The following MPRIP variants were observed in gnomAD, a reference collection of about 807,000 sequenced individuals.
MPRIP encodes myosin phosphatase Rho-interacting protein.
Under a neutral mutation model 234.9 loss-of-function variants are expected in MPRIP, and 59 were observed. The ratio of observed to expected loss-of-function variants is 0.25; its 90% CI spans 0.20 to 0.31. The LOEUF is 0.31. MPRIP is among the 10% of genes least tolerant of loss of function. The probability of loss-of-function intolerance (pLI) is 1.00; values close to 1 mark genes in which losing one functional copy is unlikely to be tolerated. For missense variants in MPRIP, 2,436 were observed against 3,071.0 expected (o/e 0.79, Z 4.89); for synonymous variants, 1,144 against 1,263.9 (o/e 0.91, Z 2.01).
At chr17:17,151,936 C>A (rs1462091818) in intron 12 of MPRIP, among the ~76,000 whole-genome samples, 1 of 152,236 alleles carries the variant, frequency 6.6e-6, no homozygotes, top group Non-Finnish European at 1.5e-5. Flanking sequence ...AGGGTCATAC[C>A]TTCAAATTTT....
At position 17,167,531 on chromosome 17, in the gene MPRIP, G is replaced by C; in HGVS notation, c.5940G>C (p.Ser1980=). 4 of 1,304,228 alleles carry C rather than the reference G, an allele frequency of 3.1e-6. No homozygotes were observed. Among genetic ancestry groups the C allele is most frequent in the Non-Finnish European group, 4.0e-6 (4 of 988,958 alleles). The allele number at this position is 1,304,228 out of a possible 1,614,324, so 80.8% of individuals were successfully genotyped here. Residue 1980 remains serine, a synonymous_variant, in exon 16 of 24, where the codon TCG becomes TCC. Coordinates refer to ENST00000651222, the MANE Select transcript of MPRIP (RefSeq NM_001364716.4). The surrounding 1 kb of genome is among the most constrained non-coding windows in gnomAD (Gnocchi z 5.9). ...RSRVLSQLDA[S]VRDRQDMERH... is the part of the protein sequence containing the mutation. ...GGGTCCTGAGCCAGCTGGATGCCTC[G>C]GTCAGAGACAGGCAGGACATGGAGA...
rs914072490 is a variant in MPRIP at position 17,190,067 on chromosome 17, C to T, written c.*5173C>T. The T allele has an allele frequency of 3.3e-5, 5 of 152,246 alleles. No homozygotes were observed. The highest frequency in any genetic ancestry group is 5.9e-5 in the Non-Finnish European group (4 of 68,066). 9.4% of individuals were successfully genotyped at this position (152,246 alleles called of 1,614,324 possible). On this transcript the variant is annotated 3_prime_UTR_variant, in exon 24 of 24. Transcript: ENST00000651222. ...AGAGAGGTTCCTAGCCCGCTCAGCG[C>T]GAGCGTCTCCAGTAGGTAATAGCAG...
rs1229277318 is a variant in MPRIP at position 17,175,379 on chromosome 17, C to T, written c.6837C>T (p.Pro2279=). 6.2e-7 allele frequency: 1 copy of T among 1,612,904 alleles called. No homozygotes were observed. Among genetic ancestry groups the T allele is most frequent in the African/African-American group, 1.3e-5 (1 of 74,928 alleles). ...GCGGTGGGGAGGCCACTGGGTCACC[C>T]CTTGCACAGGGCAAGGATGCCTATG... is the stretch of plus-strand genomic sequence containing the variant. ...GDGGGEATGS[P]LAQGKDAYEL... The change falls in exon 20 of 24, where the codon CCC becomes CCT. Residue 2279 remains proline (P), a synonymous_variant. Transcript: ENST00000651222.
intron 3 of MPRIP, among the ~76,000 whole-genome samples, chr17:17,111,053 G>T: frequency 6.6e-6 from 1 of 151,544 alleles, no homozygotes; most frequent in East Asian, 1.9e-4. Flanking sequence ...GGGTAAACTG[G>T]GTGAGAGGTG....
At chr17:17,134,549 C>T (rs1033210851) in intron 5 of MPRIP, among the ~76,000 whole-genome samples, 1 of 152,226 alleles carries the variant, frequency 6.6e-6, no homozygotes, top group African/African-American at 2.4e-5. Context: ...CTGCTGGCAG[C>T]CCTAAGCTGA....
At chr17:17,094,621 CTT>C (rs759404428) in intron 3 of MPRIP, among the ~76,000 whole-genome samples, 50 of 134,560 alleles carry the variant, frequency 3.7e-4, no homozygotes, top group Non-Finnish European at 4.8e-4. Flanking sequence ...TCTTCACTGT[CTT>C]TTTTTTTTTT....
At chr17:17,136,622 C>T (rs545799328) in intron 6 of MPRIP, among the ~76,000 whole-genome samples, 172 bp downstream of exon 6, 5 of 152,356 alleles carry the variant, frequency 3.3e-5, no homozygotes, top group South Asian at 2.1e-4. Flanking sequence ...CTGAGATTCC[C>T]GGGCTCCAGT....
In MPRIP at chr17:17,192,332, G is replaced by A. The variant is rs1011802419; in HGVS notation, c.*7438G>A. The A allele has an allele frequency of 1.3e-5, 2 of 149,952 alleles. No individual in the cohort carries two copies. Among genetic ancestry groups the A allele is most frequent in the South Asian group, 2.1e-4 (1 of 4,714 alleles). The allele number at this position is 149,952 out of a possible 1,614,324, so 9.3% of individuals were successfully genotyped here. A position where few individuals can be genotyped will look rare whatever the true frequency, so the allele number is the denominator to read the frequency against. ...CTCCCTAGGTTCCAGCACAGCGCTC[G>A]GGTCTAAGAAGTAGAGCCCCGGGGT... On this transcript the variant is annotated 3_prime_UTR_variant, in exon 24 of 24. Transcript: ENST00000651222.
intron 23 of MPRIP, chr17:17,181,842 C>T (rs2046380479): frequency 6.6e-6 from 1 of 152,170 alleles, no homozygotes; most frequent in East Asian, 1.9e-4. Flanking sequence ...GTGGGGGCCT[C>T]TCACAGTGGC....
chr17:17,047,646 A>G lies in MPRIP; in HGVS notation c.123+4675A>G, dbSNP rs370136186. Among the ~76,000 whole-genome samples, 29 of 152,256 alleles carry G rather than the reference A, an allele frequency of 1.9e-4. 2 individuals carry two copies. Among genetic ancestry groups the G allele is most frequent in the East Asian group, 1.2e-3 (6 of 5,178 alleles). On this transcript the variant is annotated intron_variant, in intron 1 of 23. Coordinates refer to ENST00000651222, the MANE Select transcript of MPRIP (RefSeq NM_001364716.4). ...GAAGGAATCAGACTCTAGGGACAGG[A>G]TGTTGTTGGTTGATCAGAGGTGGGT...
In MPRIP at chr17:17,186,451, T is replaced by G. The variant is rs2046476942; in HGVS notation, c.*1557T>G. On this transcript the variant is annotated 3_prime_UTR_variant, in exon 24 of 24. Transcript: ENST00000651222. The stretch of plus-strand genomic sequence containing the variant: ...ACTGAAATAACTAAGTGCTCTCCAC[T>G]GGCATCGAGCCCTTTCCACAAGTTT... 1 of 152,244 alleles carries G rather than the reference T, an allele frequency of 6.6e-6. No homozygotes were observed. Among genetic ancestry groups the G allele is most frequent in the African/African-American group, 2.4e-5 (1 of 41,458 alleles). The allele number at this position is 152,244 out of a possible 1,614,324, so 9.4% of individuals were successfully genotyped here.
At chr17:17,060,674 T>C (rs1331862417) in intron 1 of MPRIP, among the ~76,000 whole-genome samples, 1 of 152,212 alleles carries the variant, frequency 6.6e-6, no homozygotes, top group African/African-American at 2.4e-5. Flanking sequence ...CCCTGCAGAA[T>C]GCATTCCTGG....
intron 5 of MPRIP, among the ~76,000 whole-genome samples, 184 bp from the exon 6 acceptor site, chr17:17,136,035 G>C (rs928724453): frequency 5.9e-5 from 9 of 152,206 alleles, no homozygotes; most frequent in Admixed American, 2.6e-4. Context: ...TGGATGTCTA[G>C]GAATGACAGA....
chr17:17,053,086 G>C (rs1317014616), intron 1 of MPRIP, among the ~76,000 whole-genome samples: 1 of 152,016 alleles, frequency 6.6e-6, no homozygotes, highest in African/African-American at 2.4e-5. Context: ...AGCCACTTGA[G>C]GCTCAGGAGC....
chr17:17,150,686 T>TG (rs1437435888), intron 12 of MPRIP, among the ~76,000 whole-genome samples: 1 of 144,800 alleles, frequency 6.9e-6, no homozygotes, highest in Non-Finnish European at 1.5e-5. Flanking sequence ...AGCAAGGCAT[T>TG]GCACTGTTCT....
chr17:17,166,614 G>C lies in MPRIP; in HGVS notation c.5023G>C (p.Ala1675Pro). ...ATGGGTCAGGGCAGAGCTCAGCTTT[G>C]CCACACAGTCAGTGAGGGAGTCGTT... ...ATWVRAELSF[A>P]TQSVRESFHR... The change falls in exon 16 of 24, where the codon GCC (alanine) becomes CCC (proline). Residue 1675 changes from alanine (A) to proline (P), a missense_variant. By Grantham distance (27) the Ala-to-Pro change is conservative. Around this residue, in one of 4 missense-constraint regions of MPRIP, gnomAD observed 1,998 missense variants for 2,520.3 expected, o/e 0.79. Coordinates refer to ENST00000651222, the MANE Select transcript of MPRIP (RefSeq NM_001364716.4). This position sits in a 1 kb window ranked among gnomAD's most constrained non-coding sequence, Gnocchi z 4.4. 1 of 1,304,088 alleles carries C rather than the reference G, an allele frequency of 7.7e-7. No homozygotes were observed. Among genetic ancestry groups the C allele is most frequent in the Non-Finnish European group, 1.0e-6 (1 of 988,890 alleles). 80.8% of individuals were successfully genotyped at this position (1,304,088 alleles called of 1,614,324 possible).
intron 11 of MPRIP, among the ~76,000 whole-genome samples, chr17:17,149,507 CTT>C (rs1223141062): frequency 1.3e-5 from 2 of 151,012 alleles, no homozygotes; most frequent in Non-Finnish European, 1.5e-5. Flanking sequence ...AAAAAAAAAA[CTT>C]CCGTATTGAA....
chr17:17,174,116 A>G, intron 19 of MPRIP, 41 bp downstream of exon 19: 4 of 1,604,704 alleles, frequency 2.5e-6, no homozygotes, highest in Non-Finnish European at 3.4e-6. Flanking sequence ...AGTCAGGGGC[A>G]CTCAAGGTCA....
intron 12 of MPRIP, among the ~76,000 whole-genome samples, chr17:17,152,708 A>G (rs1185240199): frequency 6.6e-6 from 1 of 152,198 alleles, no homozygotes. Context: ...AGAGCACTGA[A>G]GGGTGTTAGA....
Sources: gnomAD v4.1 joint callset for allele counts (sites outside exome capture counted in the v4.1 genomes callset) on GRCh38, gnomAD v4.1.1 for gene constraint, gnomAD v4.1.1 regional missense constraint, Gnocchi (gnomAD v3.1) non-coding constraint, MANE v1.5 for transcripts, NCBI Gene and HGNC (gene_info 2026-07-23, HGNC 2026-07-21) for gene names.